The following COL4A4 variants were observed in gnomAD, a reference collection of about 807,000 sequenced individuals.
The protein encoded by COL4A4 is collagen alpha-4(IV) chain.
A neutral mutation model predicts 192.9 loss-of-function variants in COL4A4; 105 were observed. The ratio of observed to expected loss-of-function variants is 0.54; its 90% CI spans 0.46 to 0.64. The LOEUF (loss-of-function observed/expected upper bound fraction) is 0.64. Ranked by LOEUF, COL4A4 falls within the 30% of genes least tolerant of loss-of-function variation. The pLI, the probability that COL4A4 is intolerant of heterozygous loss-of-function variation, is 0.00. For synonymous variants in COL4A4, 762 were observed against 769.9 expected (o/e 0.99, Z 0.17); for missense variants, 1,967 against 2,169.3 (o/e 0.91, Z 1.85).
rs1341200951 is a variant in COL4A4, at chr2:227,051,037, G to T, written c.3090C>A (p.Gly1030=). The T allele has an allele frequency of 6.2e-7, 1 of 1,614,186 alleles. No homozygotes were observed. The highest frequency in any genetic ancestry group is 2.2e-5 in the East Asian group (1 of 44,884). The change falls in exon 33 of 48, where the codon GGC becomes GGA. Residue 1030 remains glycine (G), a synonymous_variant. Coordinates refer to ENST00000396625, the MANE Select transcript of COL4A4 (RefSeq NM_000092.5). ...KGQPGPPGPP[G]PPGSTGLRGF... is the part of the protein sequence containing the mutation. ...CTCTTAGACCAGTTGAGCCTGGAGG[G>T]CCTGGGGGTCCAGGAGGCCCTGGCT...
chr2:227,144,386 A>T, intron 3 of COL4A4, 130 bp downstream of exon 3: 1 of 743,810 alleles, frequency 1.3e-6, no homozygotes, highest in Non-Finnish European at 2.4e-6. Flanking sequence ...GAGTTTATTT[A>T]GTCCTATTCT....
At chr2:227,115,363 C>T (rs150017235) in intron 7 of COL4A4, among the ~76,000 whole-genome samples, 5,059 of 151,042 alleles carry the variant, frequency 0.033, 285 homozygotes, top group African/African-American at 0.12. Flanking sequence ...CTCTGCCTCC[C>T]GGGTTCCTGC....
chr2:227,033,444 T>C lies in COL4A4; in HGVS notation c.3543A>G (p.Gly1181=). 6.8e-6 allele frequency: 11 copies of C among 1,613,648 alleles called. No individual in the cohort carries two copies. Among genetic ancestry groups the C allele is most frequent in the Non-Finnish European group, 8.5e-6 (10 of 1,180,012 alleles). Residue 1181 remains glycine (G), a synonymous_variant, in exon 38 of 48, where the codon GGA becomes GGG. Transcript: ENST00000396625. ...SGSPGLNGLH[G]LKGQKGTKGA... is the part of the protein sequence containing the mutation. ...CTTTAGTTCCTTTCTGACCTTTCAA[T>C]CCATGCAAGCCGTTCAGGCCAGGTG...
intron 26 of COL4A4, among the ~76,000 whole-genome samples, chr2:227,061,107 T>C (rs1196667318): frequency 6.6e-6 from 1 of 152,210 alleles, no homozygotes; most frequent in East Asian, 1.9e-4. Context: ...TAAACTTCAA[T>C]GGAGGCACAA....
rs2060670059 is a variant in COL4A4, at chr2:227,103,957, G to A, written c.816+15C>T. ...ACTGCTACTTTCCAAGGTGACATAT[G>A]GATTTGGGAATTACCTTTTCTCCTT... On this transcript the variant is annotated intron_variant, in intron 13 of 47. Transcript: ENST00000396625. 4 of 1,599,736 alleles carry A rather than the reference G, an allele frequency of 2.5e-6. No homozygotes were observed. In the East Asian group the frequency reaches 8.9e-5, roughly 36 times the overall value.
chr2:227,055,343 T>C (rs970989075), intron 30 of COL4A4, among the ~76,000 whole-genome samples: 5 of 119,204 alleles, frequency 4.2e-5, no homozygotes, highest in African/African-American at 1.5e-4. Flanking sequence ...CGAGATCCTG[T>C]CTCCTAAAAA....
At chr2:226,984,986 G>C in the COL4A4 span, among the ~76,000 whole-genome samples, 8 of 152,082 alleles carry the variant, frequency 5.3e-5, no homozygotes, top group East Asian at 3.9e-4. Flanking sequence ...AAGTACAAGT[G>C]GGGGGTTTGA....
the COL4A4 span, chr2:226,996,045 A>G: frequency 6.3e-6 from 1 of 158,460 alleles, no homozygotes; most frequent in Non-Finnish European, 1.4e-5. Context: ...TCAGCTCCTC[A>G]GCTCCTCGGG....
rs1184183414 is a variant in COL4A4, at chr2:227,033,317, C to T, written c.3577+93G>A. 8 of 1,095,810 alleles carry T rather than the reference C, an allele frequency of 7.3e-6. No individual in the cohort carries two copies. The East Asian group carries it at 2.0e-4, about 27-fold the overall frequency. The allele number at this position is 1,095,810 out of a possible 1,614,324, so 67.9% of individuals were successfully genotyped here. A position where few individuals can be genotyped will look rare whatever the true frequency, so the allele number is the denominator to read the frequency against. ...GTTTTTTTCAGTTTTGCCTCCAAAT[C>T]TCATGAAGTGCAGAAATACCAGGGA... On this transcript the variant is annotated intron_variant, in intron 38 of 47. Transcript: ENST00000396625.
chr2:226,973,027 G>T, the COL4A4 span, among the ~76,000 whole-genome samples: 3 of 151,920 alleles, frequency 2.0e-5, no homozygotes, highest in Non-Finnish European at 4.4e-5. Flanking sequence ...GGACTTCAAA[G>T]TAGAGATTCA....
At chr2:226,994,950 A>G in the COL4A4 span, among the ~76,000 whole-genome samples, 3 of 152,296 alleles carry the variant, frequency 2.0e-5, no homozygotes, top group African/African-American at 7.2e-5. Flanking sequence ...GTGTGTTTCA[A>G]TCACGCATGA....
At chr2:227,146,052 C>T (rs1393656051) in intron 2 of COL4A4, among the ~76,000 whole-genome samples, 10 of 152,160 alleles carry the variant, frequency 6.6e-5, no homozygotes, top group East Asian at 3.9e-4. Flanking sequence ...TAGCAATTGT[C>T]GCTTTTCTCT....
At chr2:227,120,908 T>C (rs2061742515) in intron 5 of COL4A4, 106 bp downstream of exon 5, 2 of 1,462,930 alleles carry the variant, frequency 1.4e-6, no homozygotes. Context: ...CACTGCATTC[T>C]AGCCTGAGTG....
intron 6 of COL4A4, 35 bp downstream of exon 6, chr2:227,119,860 T>C: frequency 2.3e-5 from 35 of 1,542,464 alleles, no homozygotes; most frequent in Non-Finnish European, 3.0e-5. Flanking sequence ...CTTCTGCCTT[T>C]TTGAAAAAAG....
In COL4A4 at chr2:227,045,847, T is replaced by C. The variant is rs1305917642; in HGVS notation, c.3289+1628A>G. 3.2e-4 allele frequency among the ~76,000 whole-genome samples: 14 copies of C among 43,356 alleles called. 2 individuals are homozygous for C. Among genetic ancestry groups the C allele is most frequent in the South Asian group, 1.2e-3 (1 of 832 alleles). 28.4% of individuals were successfully genotyped at this position (43,356 alleles called of 152,430 possible). ...ATATATATATACACACATATATATATACACATATATATATACACATATATA... is the reference window on the plus strand; with the variant it reads ...ATATATATATACACACATATATATACACACATATATATATACACATATATA... On this transcript the variant is annotated intron_variant, in intron 35 of 47. Coordinates refer to ENST00000396625, the MANE Select transcript of COL4A4 (RefSeq NM_000092.5).
At chr2:227,060,352 C>T in intron 26 of COL4A4, 109 bp from the exon 27 acceptor site, 1 of 774,330 alleles carries the variant, frequency 1.3e-6, no homozygotes, top group Non-Finnish European at 2.1e-6. Context: ...AATATTTCTA[C>T]TTTATGGAAG....
At chr2:227,038,477 C>T (rs1246662406) in intron 37 of COL4A4, among the ~76,000 whole-genome samples, 1 of 152,028 alleles carries the variant, frequency 6.6e-6, no homozygotes, top group African/African-American at 2.4e-5. Context: ...TAGCCTTGTA[C>T]TATAGTTTGA....
intron 25 of COL4A4, among the ~76,000 whole-genome samples, chr2:227,063,132 A>C (rs1465256156): frequency 6.6e-6 from 1 of 152,280 alleles, no homozygotes; most frequent in African/African-American, 2.4e-5. Context: ...TGCTTCAAGT[A>C]TATTGTCTCA....
intron 4 of COL4A4, among the ~76,000 whole-genome samples, chr2:227,128,144 C>A (rs2062197818): frequency 6.6e-6 from 1 of 152,184 alleles, no homozygotes; most frequent in Non-Finnish European, 1.5e-5. Flanking sequence ...TCACACCTAG[C>A]AAGCTCAGAT....
Sources: allele counts gnomAD v4.1 joint callset (sites outside exome capture counted in the v4.1 genomes callset), GRCh38; gene constraint gnomAD v4.1.1; transcripts MANE v1.5; gene names NCBI Gene and HGNC (gene_info 2026-07-23, HGNC 2026-07-21).